The following EIPR1 variants were observed in gnomAD, a reference collection of about 807,000 sequenced individuals.
EIPR1 encodes the protein EARP complex and GARP complex interacting protein 1.
EIPR1 carries 25 observed loss-of-function variants against 48.1 expected under a neutral mutation model. That is an observed-to-expected ratio of 0.52 (90% CI 0.38 to 0.73). EIPR1 has a LOEUF of 0.73. Among genes scored for constraint, EIPR1 ranks in the 30% least tolerant of loss-of-function variants. The probability of loss-of-function intolerance (pLI) is 0.00; values close to 1 mark genes in which losing one functional copy is unlikely to be tolerated. For synonymous variants in EIPR1, 204 were observed against 201.9 expected (o/e 1.01, Z -0.09); for missense variants, 415 against 506.2 (o/e 0.82, Z 1.73).
At chr2:3,207,202 T>C (rs1250242141) in intron 5 of EIPR1, among the ~76,000 whole-genome samples, 1 of 152,146 alleles carries the variant, frequency 6.6e-6, no homozygotes, top group African/African-American at 2.4e-5. Flanking sequence ...CACTAAGAGC[T>C]TGCTGTGAGG....
At position 3,296,614 on chromosome 2, in the gene EIPR1, C is replaced by T. The variant is rs1668608351; in HGVS notation, c.260-39159G>A. Among the ~76,000 whole-genome samples, 4 of 150,764 alleles carry T rather than the reference C, an allele frequency of 2.7e-5. No homozygotes were observed. The South Asian group carries it at 8.5e-4, about 32-fold the overall frequency. ...TCTACACATACACCCTCCATCCAGC[C>T]CATCCTCTCTACACACATACACACC... is the stretch of plus-strand genomic sequence containing the variant. On this transcript the variant is annotated intron_variant, in intron 3 of 8. Transcript: ENST00000382125.
intron 3 of EIPR1, among the ~76,000 whole-genome samples, chr2:3,261,372 C>T (rs1667330168): frequency 6.6e-6 from 1 of 152,100 alleles, no homozygotes; most frequent in South Asian, 2.1e-4. Flanking sequence ...GGAAGTCACC[C>T]CACTCACAGT....
chr2:3,360,385 CAA>C (rs1290252421), intron 1 of EIPR1, among the ~76,000 whole-genome samples: 2 of 143,752 alleles, frequency 1.4e-5, no homozygotes, highest in African/African-American at 2.6e-5. Context: ...GCCTAGGCGA[CAA>C]GAGTGAGACT....
intron 3 of EIPR1, chr2:3,320,112 C>CACCCCT (rs1669477291): frequency 5.7e-6 from 1 of 174,868 alleles, no homozygotes; most frequent in Admixed American, 6.7e-5. Flanking sequence ...AGGGCAACAC[C>CACCCCT]GCCCCTGGGG....
chr2:3,298,155 T>G (rs767965128), intron 3 of EIPR1, among the ~76,000 whole-genome samples: 7 of 152,218 alleles, frequency 4.6e-5, no homozygotes, highest in Non-Finnish European at 1.0e-4. Flanking sequence ...CCTTAACAGA[T>G]GCTTGTTAGC....
intron 3 of EIPR1, among the ~76,000 whole-genome samples, chr2:3,284,341 T>C (rs1302378390): frequency 1.1e-4 from 12 of 109,518 alleles, no homozygotes; most frequent in Admixed American, 5.9e-4. Context: ...GCTGGGCACA[T>C]GGAGATGGGG....
intron 3 of EIPR1, among the ~76,000 whole-genome samples, chr2:3,322,347 T>C (rs994305419): frequency 6.6e-6 from 1 of 152,336 alleles, no homozygotes; most frequent in Admixed American, 6.5e-5. Flanking sequence ...CTGTCCTGAG[T>C]ACTTACTGTT....
At chr2:3,192,367 A>C (rs1416701530) in intron 8 of EIPR1, 47 bp downstream of exon 8, 1 of 1,518,250 alleles carries the variant, frequency 6.6e-7, no homozygotes, top group Admixed American at 2.2e-5. Flanking sequence ...CTGTGCAGAC[A>C]GGAGGCTCTG....
rs1391182654 is a variant in EIPR1, at chr2:3,189,754, C to T, written c.990-246G>A. ...CATTTCTCAAAAGGTTTATGGAAAT[C>T]GGCGACATTGGCACATGGTGTCTTG... is the stretch of plus-strand genomic sequence containing the variant. On this transcript the variant is annotated intron_variant, in intron 8 of 8. Coordinates refer to ENST00000382125, the MANE Select transcript of EIPR1 (RefSeq NM_003310.5). This position sits in a 1 kb window ranked among gnomAD's most constrained non-coding sequence, Gnocchi z 4.6. 1.3e-5 allele frequency among the ~76,000 whole-genome samples: 2 copies of T among 152,128 alleles called. No homozygotes were observed. The highest frequency in any genetic ancestry group is 2.4e-5 in the African/African-American group (1 of 41,412).
chr2:3,345,516 T>G (rs1670372818), intron 2 of EIPR1, among the ~76,000 whole-genome samples: 1 of 151,860 alleles, frequency 6.6e-6, no homozygotes, highest in African/African-American at 2.4e-5. Context: ...TCCCCGCTAT[T>G]CAGGAGGCCG....
chr2:3,194,325 C>T (rs746145061), intron 6 of EIPR1, 159 bp from the exon 7 acceptor site: 59 of 755,748 alleles, frequency 7.8e-5, no homozygotes, highest in Non-Finnish European at 1.1e-4. Flanking sequence ...AAGAGGCTGG[C>T]GCCACCTCCT....
intron 4 of EIPR1, among the ~76,000 whole-genome samples, chr2:3,252,463 T>C (rs1667030984): frequency 6.6e-6 from 1 of 152,040 alleles, no homozygotes; most frequent in South Asian, 2.1e-4. Flanking sequence ...TGGTGGTGGG[T>C]GCCTGTAATC....
chr2:3,343,084 A>G (rs1469507861), intron 2 of EIPR1, among the ~76,000 whole-genome samples: 1 of 152,240 alleles, frequency 6.6e-6, no homozygotes, highest in Non-Finnish European at 1.5e-5. Flanking sequence ...AGGCTTGAAG[A>G]GTGGAGGGCC....
intron 3 of EIPR1, among the ~76,000 whole-genome samples, chr2:3,280,837 TG>T (rs1667992129): frequency 6.6e-6 from 1 of 152,146 alleles, no homozygotes; most frequent in African/African-American, 2.4e-5. Context: ...CATGAGAAGC[TG>T]CATGCCCAGG....
At chr2:3,258,673 T>C (rs1044006102) in intron 3 of EIPR1, among the ~76,000 whole-genome samples, 3 of 152,188 alleles carry the variant, frequency 2.0e-5, no homozygotes, top group African/African-American at 7.2e-5. Context: ...TGACAAAATA[T>C]CTAACTTTGT....
chr2:3,291,330 C>T (rs570505644), intron 3 of EIPR1, among the ~76,000 whole-genome samples: 480 of 151,912 alleles, frequency 3.2e-3, no homozygotes, highest in Non-Finnish European at 5.0e-3. Context: ...GCGGGCTGCA[C>T]GCACAGTTCT....
chr2:3,282,155 G>T (rs1668032623), intron 3 of EIPR1, among the ~76,000 whole-genome samples: 1 of 152,224 alleles, frequency 6.6e-6, no homozygotes, highest in African/African-American at 2.4e-5. Flanking sequence ...GGACAAACCA[G>T]CCAACAGGAG....
chr2:3,200,079 C>T (rs960348541), intron 5 of EIPR1, among the ~76,000 whole-genome samples: 14 of 152,054 alleles, frequency 9.2e-5, no homozygotes, highest in Non-Finnish European at 2.1e-4. Flanking sequence ...TGGGGCCTCA[C>T]TAAGAGCTGG....
At chr2:3,280,967 C>T (rs1226559845) in intron 3 of EIPR1, among the ~76,000 whole-genome samples, 1 of 152,188 alleles carries the variant, frequency 6.6e-6, no homozygotes, top group Non-Finnish European at 1.5e-5. Flanking sequence ...CTCCCTCCTT[C>T]TGGTGACTCA....
Sources: allele counts gnomAD v4.1 joint callset (sites outside exome capture counted in the v4.1 genomes callset), GRCh38; gene constraint gnomAD v4.1.1; non-coding constraint Gnocchi (gnomAD v3.1); transcripts MANE v1.5; gene names NCBI Gene and HGNC (gene_info 2026-07-23, HGNC 2026-07-21).